GBA1: variants seen among roughly 807,000 people sequenced by gnomAD.
GBA1 encodes lysosomal acid glucosylceramidase.
the GBA1 span, among the ~76,000 whole-genome samples, chr1:155,243,658 TC>T: frequency 6.6e-6 from 1 of 152,118 alleles, no homozygotes; most frequent in Non-Finnish European, 1.5e-5. Flanking sequence ...AGAGACGGGG[TC>T]TTACTGTGTT....
the GBA1 span, chr1:155,236,472 G>A: frequency 1.9e-6 from 3 of 1,610,858 alleles, no homozygotes; most frequent in Non-Finnish European, 2.5e-6. Context: ...GTCAGTACCT[G>A]CAAAGGAAGA....
chr1:155,240,020 T>C, the GBA1 span: 9 of 1,613,648 alleles, frequency 5.6e-6, no homozygotes, highest in African/African-American at 1.3e-5. Flanking sequence ...GTATGTGGCA[T>C]TGCAGACACA....
the GBA1 span, among the ~76,000 whole-genome samples, chr1:155,242,370 C>A: frequency 6.6e-6 from 1 of 151,994 alleles, no homozygotes; most frequent in Admixed American, 6.6e-5. Context: ...TTACAGGTGC[C>A]CTCCAACATG....
chr1:155,238,511 G>A, the GBA1 span: 2 of 1,610,276 alleles, frequency 1.2e-6, no homozygotes, highest in African/African-American at 2.7e-5. Context: ...AAGCTAGAAT[G>A]CCTACCTTGA....
chr1:155,237,799 G>T, the GBA1 span: 2 of 942,680 alleles, frequency 2.1e-6, no homozygotes, highest in East Asian at 5.3e-5. Flanking sequence ...CTACTTGGAA[G>T]GCTGAGGCAG....
chr1:155,237,448 A>G, the GBA1 span: 1 of 1,613,834 alleles, frequency 6.2e-7, no homozygotes, highest in Admixed American at 1.7e-5. Context: ...CGGGCAATGA[A>G]GTCTCGCTGA....
At chr1:155,244,526 A>ATTAC in the GBA1 span, 2 of 152,268 alleles carry the variant, frequency 1.3e-5, no homozygotes, top group African/African-American at 4.8e-5. Context: ...GAGAAACAGC[A>ATTAC]GCCCCAACCG....
chr1:155,238,744 C>G, the GBA1 span: 4 of 1,605,130 alleles, frequency 2.5e-6, no homozygotes, highest in East Asian at 9.0e-5. Context: ...GTGTCTGAGT[C>G]AGGGCCAAAG....
chr1:155,236,135 G>T, the GBA1 span: 1 of 990,252 alleles, frequency 1.0e-6, no homozygotes, highest in South Asian at 1.4e-5. Context: ...TTGCTCAAAA[G>T]GGCAGGCTAG....
At chr1:155,238,831 G>A in the GBA1 span, 26 of 668,404 alleles carry the variant, frequency 3.9e-5, no homozygotes, top group Middle Eastern at 4.2e-4. Flanking sequence ...GCCTGAGTCC[G>A]TAGCAGTTAG....
chr1:155,236,556 G>C, the GBA1 span: 6 of 1,075,856 alleles, frequency 5.6e-6, no homozygotes, highest in South Asian at 7.9e-5. Flanking sequence ...GGAGTTGGGT[G>C]ACGGGAAGAA....
At chr1:155,240,017 G>A in the GBA1 span, 2 of 1,613,928 alleles carry the variant, frequency 1.2e-6, no homozygotes, top group African/African-American at 1.3e-5. Flanking sequence ...ACAGTATGTG[G>A]CATTGCAGAC....
At chr1:155,239,514 G>A in the GBA1 span, 1 of 1,290,324 alleles carries the variant, frequency 7.7e-7, no homozygotes, top group Non-Finnish European at 1.1e-6. Flanking sequence ...CTCGCCGACA[G>A]AATGGGCAGA....
the GBA1 span, chr1:155,236,473 CA>C: frequency 6.2e-7 from 1 of 1,610,706 alleles, no homozygotes; most frequent in Non-Finnish European, 8.5e-7. Context: ...TCAGTACCTG[CA>C]AAGGAAGAGC....
At chr1:155,237,468 G>A in the GBA1 span, 1 of 1,614,026 alleles carries the variant, frequency 6.2e-7, no homozygotes, top group Non-Finnish European at 8.5e-7. Context: ...ATGTTCAGGG[G>A]TGAAGCCCAG....
the GBA1 span, chr1:155,241,413 G>A: frequency 2.0e-6 from 1 of 504,706 alleles, no homozygotes; most frequent in Non-Finnish European, 3.6e-6. Flanking sequence ...GACAACTTTA[G>A]GAAGAGCCTA....
chr1:155,242,294 C>T, the GBA1 span, among the ~76,000 whole-genome samples: 1 of 151,306 alleles, frequency 6.6e-6, no homozygotes, highest in Non-Finnish European at 1.5e-5. Flanking sequence ...GTGATCTTGG[C>T]TCACTGCAAC....
At chr1:155,237,257 G>T in the GBA1 span, 1 of 1,605,446 alleles carries the variant, frequency 6.2e-7, no homozygotes, top group South Asian at 1.1e-5. Context: ...TAGTTGGGTA[G>T]AGAAATCGCT....
At chr1:155,244,283 C>T in the GBA1 span, 1 of 151,970 alleles carries the variant, frequency 6.6e-6, no homozygotes, top group Non-Finnish European at 1.5e-5. Context: ...GCCTGTAATC[C>T]CACGTACTTG....
Sources: allele counts gnomAD v4.1 joint callset (sites outside exome capture counted in the v4.1 genomes callset), GRCh38; gene constraint gnomAD v4.1.1; transcripts MANE v1.5; gene names NCBI Gene and HGNC (gene_info 2026-07-23, HGNC 2026-07-21).